The following KLHL7 variants were observed in gnomAD, a reference collection of about 807,000 sequenced individuals.
The protein encoded by KLHL7 is kelch-like protein 7.
Under a neutral mutation model 67.4 loss-of-function variants are expected in KLHL7, and 44 were observed. The ratio of observed to expected loss-of-function variants is 0.65; its 90% CI spans 0.51 to 0.84. The LOEUF is 0.84. KLHL7 is among the 40% of genes least tolerant of loss of function. KLHL7 has a pLI of 0.00. For synonymous variants in KLHL7, 252 were observed against 243.3 expected, an observed-to-expected ratio of 1.04 and a Z score of -0.33; for missense variants, 362 against 718.1, an observed-to-expected ratio of 0.50 and a Z score of 5.67.
intron 8 of KLHL7, among the ~76,000 whole-genome samples, chr7:23,166,525 A>G (rs1283624779): frequency 1.3e-5 from 2 of 152,158 alleles, no homozygotes; most frequent in African/African-American, 4.8e-5. Flanking sequence ...CAGGCTAGAT[A>G]CATAATAGCT....
At position 23,106,005 on chromosome 7, in the gene KLHL7, G is replaced by T; in HGVS notation, c.-22G>T. 1.9e-6 allele frequency: 3 copies of T among 1,607,404 alleles called. No individual in the cohort carries two copies. Among genetic ancestry groups the T allele is most frequent in the Non-Finnish European group, 2.5e-6 (3 of 1,178,116 alleles). On this transcript the variant is annotated 5_prime_UTR_variant, in exon 1 of 11. Transcript: ENST00000339077. ...CCTCGCCCGGCCCGGCGAGCCCCGG[G>T]CGTGAACCGAGCTGAGGGAGGATGG...
chr7:23,155,942 TTTTA>T, intron 7 of KLHL7: 1 of 284,090 alleles, frequency 3.5e-6, no homozygotes, highest in Non-Finnish European at 6.9e-6. Context: ...AGCACTTTAT[TTTTA>T]GTCTGTAGTT....
At chr7:23,118,035 T>G in intron 1 of KLHL7, 1 of 1,559,884 alleles carries the variant, frequency 6.4e-7, no homozygotes. Flanking sequence ...ACTGCATGCC[T>G]CTTACTAATG....
At chr7:23,170,034 A>G (rs532651515) in intron 9 of KLHL7, among the ~76,000 whole-genome samples, 100 of 152,026 alleles carry the variant, frequency 6.6e-4, no homozygotes, top group African/African-American at 2.3e-3. Flanking sequence ...ACATGGTGAA[A>G]CTCTGTCTCG....
chr7:23,137,688 A>G (rs541660129), intron 4 of KLHL7, among the ~76,000 whole-genome samples: 2 of 150,840 alleles, frequency 1.3e-5, no homozygotes, highest in African/African-American at 2.4e-5. Flanking sequence ...CATGTTGGCC[A>G]GGCTGGTCTC....
At chr7:23,106,861 A>G (rs1459127986) in intron 1 of KLHL7, 6 of 866,444 alleles carry the variant, frequency 6.9e-6, no homozygotes, top group Non-Finnish European at 8.3e-6. Context: ...TTTTTTTTTT[A>G]ATTCCATAAC....
In KLHL7 at chr7:23,165,684, C is replaced by A. The variant is rs1486761610; in HGVS notation, c.937-14C>A. On this transcript the variant is annotated splice_polypyrimidine_tract_variant and intron_variant, in intron 7 of 10. Coordinates refer to ENST00000339077, the MANE Select transcript of KLHL7 (RefSeq NM_001031710.3). ...TTTTCCTTACTGAAAGCTTCCCATC[C>A]TTTTCTGCTACAGGATTATAGCTGG... 1 of 1,614,024 alleles carries A rather than the reference C, an allele frequency of 6.2e-7. No individual in the cohort carries two copies. Among genetic ancestry groups the A allele is most frequent in the Admixed American group, 1.7e-5 (1 of 60,012 alleles).
chr7:23,132,153 CT>C (rs1482798665), intron 4 of KLHL7, among the ~76,000 whole-genome samples: 36 of 152,168 alleles, frequency 2.4e-4, no homozygotes, highest in Admixed American at 2.4e-3. Flanking sequence ...GATTTCCTTT[CT>C]TTTGGGTATA....
At position 23,174,502 on chromosome 7, in the gene KLHL7, C is replaced by T. The variant is rs939892359; in HGVS notation, c.*204C>T. The T allele has an allele frequency of 2.9e-6, 2 of 690,580 alleles. No homozygotes were observed. The highest frequency in any genetic ancestry group is 5.3e-6 in the Non-Finnish European group (2 of 380,832). 42.8% of individuals were successfully genotyped at this position (690,580 alleles called of 1,614,324 possible). A position where few individuals can be genotyped will look rare whatever the true frequency, so the allele number is the denominator to read the frequency against. ...TTTTAGCTGGCCACAAAACCAAGAACATATCTAGCAAGAAAACTTGAAAAA... is the reference window on the plus strand; with the variant it reads ...TTTTAGCTGGCCACAAAACCAAGAATATATCTAGCAAGAAAACTTGAAAAA... On this transcript the variant is annotated 3_prime_UTR_variant, in exon 11 of 11. Transcript: ENST00000339077.
chr7:23,136,413 G>C lies in KLHL7; in HGVS notation c.443-4356G>C, dbSNP rs184285498. On this transcript the variant is annotated intron_variant, in intron 4 of 10. Coordinates refer to ENST00000339077, the MANE Select transcript of KLHL7 (RefSeq NM_001031710.3). ...CAAATGTTGCTGGTTTACACAGAAAGGGAATTTATGGAATGGCTAGTGAGT... is the reference window on the plus strand; with the variant it reads ...CAAATGTTGCTGGTTTACACAGAAACGGAATTTATGGAATGGCTAGTGAGT... 2.3e-4 allele frequency among the ~76,000 whole-genome samples: 35 copies of C among 152,314 alleles called. No homozygotes were observed. The East Asian group carries it at 6.2e-3, about 27-fold the overall frequency.
chr7:23,148,336 G>A (rs1465563239), intron 6 of KLHL7, among the ~76,000 whole-genome samples: 2 of 150,208 alleles, frequency 1.3e-5, no homozygotes, highest in Non-Finnish European at 3.0e-5. Flanking sequence ...AAAAGGAGAA[G>A]AGATGTGTGT....
chr7:23,156,506 T>G (rs1050511112), intron 7 of KLHL7, among the ~76,000 whole-genome samples: 8 of 152,226 alleles, frequency 5.3e-5, no homozygotes, highest in Non-Finnish European at 1.0e-4. Context: ...AAAAGTTGAC[T>G]TAACTGATCA....
chr7:23,129,552 C>T, intron 4 of KLHL7: 1 of 226,676 alleles, frequency 4.4e-6, no homozygotes, highest in Non-Finnish European at 8.8e-6. Flanking sequence ...TCACTGCTTG[C>T]TGTTCATCTA....
intron 5 of KLHL7, 36 bp downstream of exon 5, chr7:23,140,980 A>C (rs1274749683): frequency 1.3e-6 from 2 of 1,562,146 alleles, no homozygotes; most frequent in Non-Finnish European, 8.8e-7. Flanking sequence ...TTCTTAATAA[A>C]AATGTCTTTA....
At chr7:23,118,078 C>T (rs1783172762) in intron 1 of KLHL7, 2 of 1,324,796 alleles carry the variant, frequency 1.5e-6, no homozygotes, top group East Asian at 2.4e-5. Flanking sequence ...AATCCTCATA[C>T]AGTGCTTTAG....
chr7:23,117,284 C>T (rs1221696615), intron 1 of KLHL7, among the ~76,000 whole-genome samples: 1 of 151,764 alleles, frequency 6.6e-6, no homozygotes, highest in African/African-American at 2.4e-5. Flanking sequence ...GTTAGGGTTT[C>T]GCCATGTTGG....
chr7:23,153,768 T>C (rs569320118), intron 7 of KLHL7, among the ~76,000 whole-genome samples: 27 of 152,334 alleles, frequency 1.8e-4, no homozygotes, highest in Non-Finnish European at 2.9e-4. Flanking sequence ...CTGTCCCACT[T>C]AGAAAGATTT....
chr7:23,133,983 T>C (rs1783888461), intron 4 of KLHL7, among the ~76,000 whole-genome samples: 1 of 152,212 alleles, frequency 6.6e-6, no homozygotes. Context: ...CTTCCAGTAC[T>C]ATATTGAGTA....
intron 1 of KLHL7, among the ~76,000 whole-genome samples, chr7:23,112,402 A>G (rs1363594502): frequency 2.0e-5 from 3 of 152,258 alleles, no homozygotes; most frequent in Non-Finnish European, 4.4e-5. Flanking sequence ...TTAGATGTAT[A>G]TATTTGTGAA....
Sources: gnomAD v4.1 joint callset for allele counts (sites outside exome capture counted in the v4.1 genomes callset) on GRCh38, gnomAD v4.1.1 for gene constraint, MANE v1.5 for transcripts, NCBI Gene and HGNC (gene_info 2026-07-23, HGNC 2026-07-21) for gene names.